DLG2: variants seen among roughly 807,000 people sequenced by gnomAD.
DLG2 encodes discs large MAGUK scaffold protein 2.
Under a neutral mutation model 132.5 loss-of-function variants are expected in DLG2, and 45 were observed. That is an observed-to-expected ratio of 0.34 (90% CI 0.27 to 0.44). DLG2 has a LOEUF of 0.44. Ranked by LOEUF, DLG2 falls within the 20% of genes least tolerant of loss-of-function variation. DLG2 has a pLI of 1.00. For synonymous variants in DLG2, 424 were observed against 419.6 expected (o/e 1.01, Z -0.13); for missense variants, 1,045 against 1,196.9 (o/e 0.87, Z 1.87).
At chr11:84,842,955 T>C (rs1188477937) in intron 6 of DLG2, among the ~76,000 whole-genome samples, 1 of 151,964 alleles carries the variant, frequency 6.6e-6, no homozygotes, top group Non-Finnish European at 1.5e-5. Context: ...AACATAGATA[T>C]ATTCCTACCA....
intron 7 of DLG2, among the ~76,000 whole-genome samples, chr11:84,393,070 G>A (rs72961620): frequency 0.017 from 2,583 of 152,232 alleles, 36 homozygotes; most frequent in Non-Finnish European, 0.028. Context: ...TTAATAACGT[G>A]TGAGCTATAA....
intron 3 of DLG2, among the ~76,000 whole-genome samples, chr11:85,493,525 G>C (rs1436956693): frequency 2.0e-5 from 3 of 152,052 alleles, no homozygotes; most frequent in African/African-American, 7.2e-5. Context: ...ATTTAGCTGG[G>C]TTCACTGGCA....
chr11:83,495,403 C>T (rs943716691), intron 21 of DLG2, among the ~76,000 whole-genome samples: 9 of 152,104 alleles, frequency 5.9e-5, no homozygotes, highest in African/African-American at 1.9e-4. Context: ...GACTGCCCTT[C>T]CACTCCACCT....
chr11:85,130,734 G>A (rs1332931266), intron 5 of DLG2, among the ~76,000 whole-genome samples: 1 of 152,122 alleles, frequency 6.6e-6, no homozygotes, highest in Admixed American at 6.5e-5. Context: ...CAAATTGTGG[G>A]CAAGTTTCTT....
chr11:84,287,602 T>C (rs982701525), intron 7 of DLG2, among the ~76,000 whole-genome samples: 4 of 152,074 alleles, frequency 2.6e-5, no homozygotes, highest in Non-Finnish European at 5.9e-5. Context: ...AGCAGCTGCA[T>C]GTTTTAGTCA....
intron 3 of DLG2, among the ~76,000 whole-genome samples, chr11:85,343,393 G>T (rs981261433): frequency 4.6e-5 from 7 of 152,118 alleles, no homozygotes; most frequent in Non-Finnish European, 1.0e-4. Context: ...CCCTAAACTA[G>T]ATGGTGAACT....
intron 3 of DLG2, among the ~76,000 whole-genome samples, chr11:85,392,782 A>C (rs1241804714): frequency 6.6e-6 from 1 of 152,154 alleles, no homozygotes; most frequent in African/African-American, 2.4e-5. Flanking sequence ...GGAAGAATGA[A>C]ACTGGATCCT....
chr11:85,484,552 G>A (rs1029836790), intron 3 of DLG2, among the ~76,000 whole-genome samples: 4 of 151,668 alleles, frequency 2.6e-5, no homozygotes, highest in African/African-American at 9.7e-5. Context: ...GACATCAACA[G>A]ACACTTCTCA....
chr11:85,172,805 C>T (rs897604746), intron 4 of DLG2, among the ~76,000 whole-genome samples: 30 of 152,028 alleles, frequency 2.0e-4, no homozygotes, highest in Admixed American at 2.0e-3. Flanking sequence ...TGAAAAACAA[C>T]ACAAGAATGT....
chr11:83,874,261 A>AG (rs1565442603), intron 16 of DLG2, among the ~76,000 whole-genome samples, 159 bp downstream of exon 16: 1 of 149,108 alleles, frequency 6.7e-6, no homozygotes. Flanking sequence ...GGAAGGAAGG[A>AG]AAGAAGGAAG....
Position 83,686,561 on chromosome 11 carries a change from G to GT in DLG2, c.1826-53237dup, listed in dbSNP as rs1360237398. On this transcript the variant is annotated intron_variant, in intron 18 of 27. Transcript: ENST00000376104. ...CAGAACAGGACTTGCCACATAATAT[G>GT]TACACATTAAATGAATGTTATATGT... Among the ~76,000 whole-genome samples the GT allele has an allele frequency of 3.9e-4, 59 of 151,856 alleles. 2 individuals are homozygous for GT. Among genetic ancestry groups the GT allele is most frequent in the Admixed American group, 3.9e-3 (59 of 15,244 alleles).
intron 4 of DLG2, among the ~76,000 whole-genome samples, chr11:85,177,284 T>TAC (rs200207281): frequency 3.9e-5 from 5 of 129,256 alleles, no homozygotes; most frequent in Non-Finnish European, 7.9e-5. Context: ...TATATATACA[T>TAC]ATACACACAC....
At chr11:85,280,892 C>T (rs553629224) in intron 4 of DLG2, among the ~76,000 whole-genome samples, 28 of 151,932 alleles carry the variant, frequency 1.8e-4, no homozygotes, top group Admixed American at 9.9e-4. Flanking sequence ...TTTTTTATTC[C>T]TAAATAAAAA....
chr11:85,249,782 G>A (rs17148061), intron 4 of DLG2, among the ~76,000 whole-genome samples: 14,920 of 152,152 alleles, frequency 0.098, 992 homozygotes, highest in African/African-American at 0.19. Flanking sequence ...CCAGGAATCA[G>A]AGCAAGGAAC....
At chr11:84,523,092 G>C (rs941283170) in intron 7 of DLG2, among the ~76,000 whole-genome samples, 14 of 152,120 alleles carry the variant, frequency 9.2e-5, no homozygotes, top group Admixed American at 9.2e-4. Context: ...AGGACATCAA[G>C]GATGAGGATT....
chr11:84,706,209 T>C (rs2059762060), intron 6 of DLG2, among the ~76,000 whole-genome samples: 1 of 151,842 alleles, frequency 6.6e-6, no homozygotes, highest in South Asian at 2.1e-4. Flanking sequence ...CTGTATTTGC[T>C]AAACAAACGA....
At chr11:84,899,817 T>C (rs550503787) in intron 6 of DLG2, among the ~76,000 whole-genome samples, 17 of 152,110 alleles carry the variant, frequency 1.1e-4, no homozygotes, top group Admixed American at 3.3e-4. Flanking sequence ...GAAAATATAT[T>C]CTGAACCAGA....
In DLG2 at chr11:85,317,902, TA is replaced by T. The variant is rs202158989; in HGVS notation, c.41-32538del. Among the ~76,000 whole-genome samples, 556 of 147,644 alleles carry T rather than the reference TA, an allele frequency of 3.8e-3. 3 individuals are homozygous for T. The highest frequency in any genetic ancestry group is 0.013 in the African/African-American group (507 of 40,496). On this transcript the variant is annotated intron_variant, in intron 3 of 27. Coordinates refer to ENST00000376104, the MANE Select transcript of DLG2 (RefSeq NM_001142699.3). ...CATATCTGCATATGTACCCTGAACC[TA>T]AAAAAAAAATAGCACCCAATTTAGG...
intron 11 of DLG2, among the ~76,000 whole-genome samples, chr11:84,054,538 T>C (rs577313438): frequency 1.9e-4 from 29 of 152,182 alleles, no homozygotes; most frequent in African/African-American, 6.0e-4. Context: ...TTTCTACCTA[T>C]TTTGAGAAAA....
Sources: gnomAD v4.1 joint callset for allele counts (sites outside exome capture counted in the v4.1 genomes callset) on GRCh38, gnomAD v4.1.1 for gene constraint, MANE v1.5 for transcripts, NCBI Gene and HGNC (gene_info 2026-07-23, HGNC 2026-07-21) for gene names.